The following ESRRG variants were observed in gnomAD, a reference collection of about 807,000 sequenced individuals.
The protein encoded by ESRRG is estrogen related receptor gamma.
ESRRG carries 13 observed loss-of-function variants against 44.0 expected under a neutral mutation model. The observed-to-expected ratio is 0.30, with a 90% confidence interval of 0.19 to 0.47. ESRRG has a LOEUF of 0.47. Ranked by LOEUF, ESRRG falls within the 20% of genes least tolerant of loss-of-function variation. The pLI is 1.00. For synonymous variants in ESRRG, 215 were observed against 214.6 expected (o/e 1.00, Z -0.02); for missense variants, 395 against 580.6 (o/e 0.68, Z 3.29).
At chr1:216,987,470 A>G (rs920466830) in intron 1 of ESRRG, among the ~76,000 whole-genome samples, 1 of 152,212 alleles carries the variant, frequency 6.6e-6, no homozygotes, top group African/African-American at 2.4e-5. Flanking sequence ...TGTACTTTAA[A>G]GAGGGATGTG....
intron 1 of ESRRG, among the ~76,000 whole-genome samples, chr1:216,679,834 C>T (rs561591511): frequency 2.6e-5 from 4 of 151,976 alleles, no homozygotes; most frequent in Non-Finnish European, 5.9e-5. Context: ...CAGAAATTGC[C>T]CTCCCATTTA....
intron 6 of ESRRG, among the ~76,000 whole-genome samples, chr1:216,510,392 T>C (rs967734600): frequency 6.6e-6 from 1 of 152,204 alleles, no homozygotes; most frequent in Non-Finnish European, 1.5e-5. Flanking sequence ...AATAGAACTT[T>C]ATCAAAACTT....
At chr1:216,817,070 A>C (rs747380103) in intron 2 of ESRRG, among the ~76,000 whole-genome samples, 24 of 152,238 alleles carry the variant, frequency 1.6e-4, no homozygotes, top group Non-Finnish European at 2.2e-4. Flanking sequence ...AAAAAAAAAA[A>C]AACACAGGTT....
At chr1:216,940,471 G>C (rs1368984969) in intron 1 of ESRRG, among the ~76,000 whole-genome samples, 1 of 152,196 alleles carries the variant, frequency 6.6e-6, no homozygotes, top group Admixed American at 6.5e-5. Context: ...TTGCAGCTCA[G>C]GGGGTGAGAA....
intron 2 of ESRRG, among the ~76,000 whole-genome samples, chr1:216,843,151 T>C (rs1035206656): frequency 6.6e-6 from 1 of 151,980 alleles, no homozygotes; most frequent in Non-Finnish European, 1.5e-5. Context: ...CTTTTTTTTT[T>C]CTTAAATTTC....
intron 1 of ESRRG, among the ~76,000 whole-genome samples, chr1:217,029,047 C>T (rs958904407): frequency 6.4e-4 from 62 of 97,078 alleles, no homozygotes; most frequent in Admixed American, 5.9e-3. Context: ...AAAATGAGCT[C>T]TCTGAAAAAC....
At chr1:216,809,325 TA>T (rs201618241) in intron 2 of ESRRG, among the ~76,000 whole-genome samples, 40,359 of 118,842 alleles carry the variant, frequency 0.34, 6,039 homozygotes, top group Middle Eastern at 0.41. Context: ...TTTTTTACAG[TA>T]AAAAAAAAAA....
chr1:216,529,878 C>A (rs6678548), intron 5 of ESRRG, among the ~76,000 whole-genome samples: 5 of 151,526 alleles, frequency 3.3e-5, no homozygotes, highest in Non-Finnish European at 5.9e-5. Context: ...TTGGGAGGCC[C>A]AGGTGAGTGG....
At chr1:216,539,989 TA>T (rs749535337) in intron 5 of ESRRG, among the ~76,000 whole-genome samples, 1 of 151,924 alleles carries the variant, frequency 6.6e-6, no homozygotes, top group African/African-American at 2.4e-5. Context: ...AGTGAAAAAT[TA>T]AAAAAATCAT....
chr1:216,761,131 G>T (rs2092748015), intron 2 of ESRRG, among the ~76,000 whole-genome samples: 1 of 151,072 alleles, frequency 6.6e-6, no homozygotes, highest in Non-Finnish European at 1.5e-5. Flanking sequence ...TCTAAATTGA[G>T]ATTTGCTTCC....
intron 2 of ESRRG, among the ~76,000 whole-genome samples, chr1:216,733,264 G>C (rs200073282): frequency 1.4e-5 from 1 of 69,156 alleles, no homozygotes; most frequent in Admixed American, 1.5e-4. Context: ...TTTTTTTTTT[G>C]TCACACTACC....
chr1:216,534,167 C>T (rs957682631), intron 5 of ESRRG, among the ~76,000 whole-genome samples: 1 of 152,112 alleles, frequency 6.6e-6, no homozygotes, highest in Non-Finnish European at 1.5e-5. Flanking sequence ...TAGTTGCTCC[C>T]ACGAAGGCCA....
chr1:216,589,540 G>A (rs2057289097), intron 3 of ESRRG, among the ~76,000 whole-genome samples: 2 of 152,060 alleles, frequency 1.3e-5, no homozygotes, highest in South Asian at 4.1e-4. Context: ...ATATAGAAGA[G>A]AAGCAATAAG....
chr1:216,604,914 G>C (rs995626816), intron 3 of ESRRG, among the ~76,000 whole-genome samples: 1 of 152,126 alleles, frequency 6.6e-6, no homozygotes, highest in African/African-American at 2.4e-5. Flanking sequence ...AATTATCTTT[G>C]AAATATATTG....
chr1:216,637,776 T>G (rs542060648), intron 3 of ESRRG, among the ~76,000 whole-genome samples: 11 of 148,670 alleles, frequency 7.4e-5, no homozygotes, highest in East Asian at 5.9e-4. Flanking sequence ...ATTCCTCATG[T>G]TTTTTTTTTC....
In ESRRG at chr1:216,504,538, G is replaced by A. The variant is rs1388383992; in HGVS notation, c.*2401C>T. The A allele has an allele frequency of 6.6e-6, 1 of 152,488 alleles. No individual in the cohort carries two copies. Among genetic ancestry groups the A allele is most frequent in the Non-Finnish European group, 1.5e-5 (1 of 67,996 alleles). The allele number at this position is 152,488 out of a possible 1,614,324, so 9.4% of individuals were successfully genotyped here. On this transcript the variant is annotated 3_prime_UTR_variant, in exon 7 of 7. Transcript: ENST00000408911. ...ATAGATACACAGTATTCCTAGCACT[G>A]GGTTGATGTTTCATCAACCCAAGGT...
intron 2 of ESRRG, among the ~76,000 whole-genome samples, chr1:216,871,295 T>C (rs2096256204): frequency 6.6e-6 from 1 of 152,036 alleles, no homozygotes; most frequent in Non-Finnish European, 1.5e-5. Context: ...TTCCTATCTT[T>C]CTCTTATTCA....
At chr1:216,630,741 A>G (rs2064016381) in intron 3 of ESRRG, among the ~76,000 whole-genome samples, 1 of 152,172 alleles carries the variant, frequency 6.6e-6, no homozygotes, top group Non-Finnish European at 1.5e-5. Context: ...CAGTGTTGTC[A>G]GGAGTCTTCA....
At chr1:216,841,909 A>T (rs544024087) in intron 2 of ESRRG, among the ~76,000 whole-genome samples, 1 of 152,184 alleles carries the variant, frequency 6.6e-6, no homozygotes, top group Non-Finnish European at 1.5e-5. Flanking sequence ...ACAAAAAAAA[A>T]GAGGGACATT....
Sources: allele counts gnomAD v4.1 joint callset (sites outside exome capture counted in the v4.1 genomes callset), GRCh38; gene constraint gnomAD v4.1.1; transcripts MANE v1.5; gene names NCBI Gene and HGNC (gene_info 2026-07-23, HGNC 2026-07-21).